Variants in WWOX observed in about 807,000 individuals in gnomAD.
The protein encoded by WWOX is WW domain-containing oxidoreductase.
In WWOX, 69 loss-of-function variants were observed where a neutral mutation model predicts 46.2. The observed-to-expected ratio is 1.49, with a 90% CI of 1.23 to 1.82. The LOEUF is 1.82. Among genes scored for constraint, WWOX ranks in the 40% most tolerant of loss-of-function variants. The pLI, the probability that WWOX is intolerant of heterozygous loss-of-function variation, is 0.00. For synonymous variants in WWOX, 359 were observed against 202.6 expected (o/e 1.77, Z -6.56); for missense variants, 919 against 542.6 (o/e 1.69, Z -6.89).
chr16:79,006,791 C>A (rs1330519773), intron 8 of WWOX, among the ~76,000 whole-genome samples: 2 of 152,082 alleles, frequency 1.3e-5, no homozygotes, highest in Admixed American at 1.3e-4. Context: ...CCCTTTCCTC[C>A]ATCTTCAAAG....
intron 5 of WWOX, among the ~76,000 whole-genome samples, chr16:78,219,726 A>G (rs970505835): frequency 3.9e-5 from 6 of 152,170 alleles, no homozygotes; most frequent in African/African-American, 1.4e-4. Flanking sequence ...AATACTGAGA[A>G]GTCCTAAAAC....
intron 8 of WWOX, among the ~76,000 whole-genome samples, chr16:79,138,433 C>T (rs555205083): frequency 3.9e-5 from 6 of 152,304 alleles, no homozygotes; most frequent in African/African-American, 1.4e-4. Context: ...AGTATCACCT[C>T]CTCTATGAAG....
intron 8 of WWOX, among the ~76,000 whole-genome samples, chr16:79,154,100 G>A (rs902617281): frequency 1.3e-5 from 2 of 152,206 alleles, no homozygotes; most frequent in Non-Finnish European, 2.9e-5. Flanking sequence ...ATCATGGATA[G>A]TCTTTTAAAA....
At chr16:79,104,031 C>G (rs1264616739) in intron 8 of WWOX, among the ~76,000 whole-genome samples, 1 of 21,088 alleles carries the variant, frequency 4.7e-5, no homozygotes, top group Non-Finnish European at 8.1e-5. Context: ...TGGTGGTGCC[C>G]TTTTTTGGGG....
chr16:78,977,799 C>T (rs1191494585), intron 8 of WWOX, among the ~76,000 whole-genome samples: 4 of 152,176 alleles, frequency 2.6e-5, no homozygotes, highest in Admixed American at 2.0e-4. Context: ...ATCCCAGCCT[C>T]ACACCAAGCT....
At chr16:78,923,151 T>C (rs1479295128) in intron 8 of WWOX, among the ~76,000 whole-genome samples, 1 of 151,998 alleles carries the variant, frequency 6.6e-6, no homozygotes, top group Non-Finnish European at 1.5e-5. Flanking sequence ...CAGGCTAATT[T>C]TGTATTTTTA....
chr16:79,145,508 T>C (rs1029859655), intron 8 of WWOX, among the ~76,000 whole-genome samples: 1 of 152,126 alleles, frequency 6.6e-6, no homozygotes, highest in Non-Finnish European at 1.5e-5. Flanking sequence ...AGCCCACAAA[T>C]ATTATTCCAA....
intron 6 of WWOX, among the ~76,000 whole-genome samples, chr16:78,393,026 T>C (rs1406565891): frequency 6.6e-6 from 1 of 152,132 alleles, no homozygotes; most frequent in Non-Finnish European, 1.5e-5. Flanking sequence ...TACTGGAAAG[T>C]TCCAAACCAA....
Position 78,585,045 on chromosome 16 carries a change from A to T in WWOX, c.1056+152293A>T, listed in dbSNP as rs578174861. Among the ~76,000 whole-genome samples the T allele has an allele frequency of 2.0e-5, 3 of 152,222 alleles. No homozygotes were observed. The East Asian group carries it at 5.8e-4, about 29-fold the overall frequency. ...AATTCCCTATTCAGCTGAGGCCTCC[A>T]CCCCTGGCCTGTTCAAAGGCAGTTA... On this transcript the variant is annotated intron_variant, in intron 8 of 8. Transcript: ENST00000566780.
chr16:78,615,624 C>G (rs967642690), intron 8 of WWOX, among the ~76,000 whole-genome samples: 1 of 151,722 alleles, frequency 6.6e-6, no homozygotes, highest in African/African-American at 2.4e-5. Flanking sequence ...CCACTGTATT[C>G]CAGTCTGGGC....
chr16:78,997,535 G>A (rs930126241), intron 8 of WWOX, among the ~76,000 whole-genome samples: 1 of 151,728 alleles, frequency 6.6e-6, no homozygotes, highest in African/African-American at 2.4e-5. Context: ...TGCTCTTTCT[G>A]GCTTTCACCT....
chr16:79,194,456 G>T (rs568314247), intron 8 of WWOX, among the ~76,000 whole-genome samples: 2 of 152,262 alleles, frequency 1.3e-5, no homozygotes, highest in South Asian at 4.2e-4. Context: ...GATGAAGAAA[G>T]GTTCTGGTTA....
At chr16:78,579,328 A>T (rs1159483029) in intron 8 of WWOX, among the ~76,000 whole-genome samples, 3 of 152,184 alleles carry the variant, frequency 2.0e-5, no homozygotes, top group African/African-American at 7.2e-5. Context: ...ATATGGAATA[A>T]GAGTGAGACA....
intron 8 of WWOX, among the ~76,000 whole-genome samples, chr16:79,063,601 C>G (rs767363972): frequency 7.2e-5 from 11 of 152,170 alleles, no homozygotes; most frequent in Non-Finnish European, 7.3e-5. Context: ...AAGGTTGGGT[C>G]TACTTTGGCC....
At chr16:78,800,669 A>T (rs1597632564) in intron 8 of WWOX, among the ~76,000 whole-genome samples, 1 of 152,358 alleles carries the variant, frequency 6.6e-6, no homozygotes, top group African/African-American at 2.4e-5. Flanking sequence ...GCAAAGATTC[A>T]ACTGAAAACA....
At chr16:78,285,543 C>A (rs553908548) in intron 5 of WWOX, among the ~76,000 whole-genome samples, 1 of 152,138 alleles carries the variant, frequency 6.6e-6, no homozygotes, top group African/African-American at 2.4e-5. Context: ...AGCACCAGAA[C>A]GAGGTCTGAC....
rs982171635 is a variant in WWOX, at chr16:78,424,930, A to G, written c.666A>G (p.Lys222=). ...TTGCTCTACCCTGGAGTCTCACCAA[A>G]GATGGCCTGGAGACCACCTTTCAAG... ...ATFALPWSLT[K]DGLETTFQVN... is the part of the protein sequence containing the mutation. Residue 222 remains lysine, a synonymous_variant, in exon 7 of 9, where the codon AAA becomes AAG. Coordinates refer to ENST00000566780, the MANE Select transcript of WWOX (RefSeq NM_016373.4). The G allele has an allele frequency of 6.2e-7, 1 of 1,614,194 alleles. No homozygotes were observed. Among genetic ancestry groups the G allele is most frequent in the Non-Finnish European group, 8.5e-7 (1 of 1,180,038 alleles).
intron 8 of WWOX, chr16:78,899,163 C>T (rs908027063): frequency 8.5e-5 from 13 of 152,092 alleles, no homozygotes; most frequent in Admixed American, 6.5e-5. Flanking sequence ...TTGCTTTATT[C>T]AGGACTTCTC....
rs547521084 is a variant in WWOX at position 79,005,463 on chromosome 16, G to A, written c.1057-206145G>A. ...AGAACTGTATTTTCCCACAGTTTTG[G>A]AGGCTCAAATTTGCAAGTCGAGGTT... On this transcript the variant is annotated intron_variant, in intron 8 of 8. Transcript: ENST00000566780. 5.9e-5 allele frequency among the ~76,000 whole-genome samples: 9 copies of A among 152,268 alleles called. No homozygotes were observed. In the South Asian group the frequency reaches 1.9e-3, roughly 32 times the overall value.
Sources: allele counts gnomAD v4.1 joint callset (sites outside exome capture counted in the v4.1 genomes callset), GRCh38; gene constraint gnomAD v4.1.1; transcripts MANE v1.5; gene names NCBI Gene and HGNC (gene_info 2026-07-23, HGNC 2026-07-21).